Variants in RBFOX3 observed in about 807,000 individuals in gnomAD.
The protein encoded by RBFOX3 is RNA binding fox-1 homolog 3.
In RBFOX3, 17 loss-of-function variants were observed where a neutral mutation model predicts 48.7. The ratio of observed to expected loss-of-function variants is 0.35; its 90% CI spans 0.24 to 0.52. The LOEUF is 0.52. RBFOX3 is among the 20% of genes least tolerant of loss of function. The pLI is 0.94. For missense variants in RBFOX3, 382 were observed against 497.5 expected, an observed-to-expected ratio of 0.77 and a Z score of 2.21; for synonymous variants, 212 against 209.5, an observed-to-expected ratio of 1.01 and a Z score of -0.10.
chr17:79,144,122 G>A (rs1015193928), intron 4 of RBFOX3, among the ~76,000 whole-genome samples: 36 of 152,206 alleles, frequency 2.4e-4, no homozygotes, highest in Admixed American at 2.6e-4. Flanking sequence ...AGAGGATGTC[G>A]TGTGTGGGTG....
In RBFOX3 at chr17:79,457,552, T is replaced by G. The variant is rs533182622; in HGVS notation, c.-175+24902A>C. On this transcript the variant is annotated intron_variant, in intron 2 of 14. Transcript: ENST00000693108. Reference sequence around the variant, plus strand: ...CTGAAGCCCAGGGCCAGCAGCCCCGTGTAGATGCCCCGGGACCTCCGTTTC... The same window carrying G: ...CTGAAGCCCAGGGCCAGCAGCCCCGGGTAGATGCCCCGGGACCTCCGTTTC... Among the ~76,000 whole-genome samples the G allele has an allele frequency of 3.6e-3, 544 of 152,064 alleles. 4 individuals carry two copies. Among genetic ancestry groups the G allele is most frequent in the Non-Finnish European group, 3.4e-3 (234 of 67,960 alleles).
intron 1 of RBFOX3, among the ~76,000 whole-genome samples, chr17:79,604,644 C>A (rs999396433): frequency 0.016 from 2,399 of 152,270 alleles, 66 homozygotes; most frequent in African/African-American, 0.055. Context: ...AGGAGAGAAA[C>A]CTCTAATTTG....
intron 4 of RBFOX3, among the ~76,000 whole-genome samples, chr17:79,166,917 A>C (rs1184896680): frequency 6.6e-6 from 1 of 152,212 alleles, no homozygotes; most frequent in Non-Finnish European, 1.5e-5. Context: ...CAGTATGCAA[A>C]TTACACCTCA....
At position 79,094,433 on chromosome 17, in the gene RBFOX3, C is replaced by T. The variant is rs1010660520; in HGVS notation, c.1077+18G>A. On this transcript the variant is annotated intron_variant, in intron 14 of 14. Coordinates refer to ENST00000693108, the MANE Select transcript of RBFOX3 (RefSeq NM_001350451.2). ...GTTAGGACTGGCACCCAGGGCTGGG[C>T]GGGCCTGGGCTCCTTACCATGGTTC... is the stretch of plus-strand genomic sequence containing the variant. 16 of 1,491,176 alleles carry T rather than the reference C, an allele frequency of 1.1e-5. No individual in the cohort carries two copies. Among genetic ancestry groups the T allele is most frequent in the East Asian group, 2.8e-5 (1 of 35,566 alleles). 92.4% of individuals were successfully genotyped at this position (1,491,176 alleles called of 1,614,324 possible).
chr17:79,433,304 T>A (rs376574166), intron 2 of RBFOX3, among the ~76,000 whole-genome samples: 60 of 152,340 alleles, frequency 3.9e-4, no homozygotes, highest in African/African-American at 1.3e-3. Context: ...TACCCAGGTT[T>A]TAGGCCAGTT....
In RBFOX3 at chr17:79,094,981, C is replaced by T. The variant is rs115073571; in HGVS notation, c.999-452G>A. 3.2e-3 allele frequency among the ~76,000 whole-genome samples: 486 copies of T among 152,314 alleles called. 2 individuals are homozygous for T. The highest frequency in any genetic ancestry group is 0.011 in the African/African-American group (456 of 41,566). ...ACACTTGTGTCCCTCACGACTTTCCCTTCAGCAGTTTGTCTGTGCAGGGAA... is the reference window on the plus strand; with the variant it reads ...ACACTTGTGTCCCTCACGACTTTCCTTTCAGCAGTTTGTCTGTGCAGGGAA... On this transcript the variant is annotated intron_variant, in intron 13 of 14. Coordinates refer to ENST00000693108, the MANE Select transcript of RBFOX3 (RefSeq NM_001350451.2).
At chr17:79,300,439 G>T (rs151013741) in intron 3 of RBFOX3, among the ~76,000 whole-genome samples, 2 of 152,272 alleles carry the variant, frequency 1.3e-5, no homozygotes, top group African/African-American at 4.8e-5. Context: ...TTAAATTGCT[G>T]CCCTAATTTA....
the RBFOX3 span, among the ~76,000 whole-genome samples, chr17:79,655,708 G>A: frequency 6.6e-6 from 1 of 152,156 alleles, no homozygotes; most frequent in Admixed American, 6.5e-5. Context: ...AGCAGGTATG[G>A]CCCATGATCT....
chr17:79,589,304 CT>C (rs34502658), intron 1 of RBFOX3, among the ~76,000 whole-genome samples: 120,823 of 152,060 alleles, frequency 0.79, 48,587 homozygotes, highest in Middle Eastern at 0.91. Flanking sequence ...CAGGGCTCTC[CT>C]TGGCTTTAGG....
At chr17:79,287,986 C>G (rs888430265) in intron 3 of RBFOX3, among the ~76,000 whole-genome samples, 3 of 152,184 alleles carry the variant, frequency 2.0e-5, no homozygotes, top group Non-Finnish European at 4.4e-5. Context: ...TGCTGCAACC[C>G]CTCTCGGGCT....
intron 6 of RBFOX3, among the ~76,000 whole-genome samples, chr17:79,105,396 G>T (rs2077181252): frequency 1.3e-5 from 2 of 152,206 alleles, no homozygotes; most frequent in Admixed American, 1.3e-4. Context: ...TATGTAAACA[G>T]GTCCCCTGCA....
chr17:79,358,624 C>A (rs777551107), intron 2 of RBFOX3, among the ~76,000 whole-genome samples: 4 of 152,038 alleles, frequency 2.6e-5, no homozygotes, highest in Non-Finnish European at 4.4e-5. Flanking sequence ...TCACGCCTGG[C>A]TAATTTTTGT....
the RBFOX3 span, among the ~76,000 whole-genome samples, chr17:79,625,613 G>T: frequency 6.6e-6 from 1 of 152,156 alleles, no homozygotes; most frequent in East Asian, 1.9e-4. Flanking sequence ...CCAACATGGT[G>T]AAATCCCATC....
rs529467012 is a variant in RBFOX3 at position 79,127,355 on chromosome 17, C to T, written c.-33-11607G>A. On this transcript the variant is annotated intron_variant, in intron 4 of 14. Transcript: ENST00000693108. ...CCCAGAGATAACGCATCAACAGGAA[C>T]GATGAGAGGGAGACCTGAGGGAGAA... Among the ~76,000 whole-genome samples, 7 of 152,148 alleles carry T rather than the reference C, an allele frequency of 4.6e-5. No homozygotes were observed. In the South Asian group the frequency reaches 1.0e-3, roughly 23 times the overall value.
Position 79,243,013 on chromosome 17 carries a change from C to T in RBFOX3, c.-73-7208G>A, listed in dbSNP as rs540379615. On this transcript the variant is annotated intron_variant, in intron 3 of 14. Transcript: ENST00000693108. The surrounding 1 kb of genome is among the most constrained non-coding windows in gnomAD (Gnocchi z 7.9). Reference sequence around the variant, plus strand: ...ATGCCTAGCACTTGCTGAATGTATGCCAGGCTACCTGCTGGGGACTGTGTT... The same window carrying T: ...ATGCCTAGCACTTGCTGAATGTATGTCAGGCTACCTGCTGGGGACTGTGTT... Among the ~76,000 whole-genome samples, 1 of 151,696 alleles carries T rather than the reference C, an allele frequency of 6.6e-6. No homozygotes were observed. The highest frequency in any genetic ancestry group is 2.0e-4 in the East Asian group (1 of 5,112).
chr17:79,498,281 A>G (rs1439288277), intron 1 of RBFOX3, among the ~76,000 whole-genome samples: 2 of 152,094 alleles, frequency 1.3e-5, no homozygotes, highest in South Asian at 4.1e-4. Context: ...CATTCTTACA[A>G]TCCAACAGAA....
intron 1 of RBFOX3, among the ~76,000 whole-genome samples, chr17:79,592,628 G>T (rs1025027076): frequency 6.6e-6 from 1 of 151,948 alleles, no homozygotes. Context: ...TCCCACCTGC[G>T]CTGTGAACAC....
chr17:79,410,116 T>C (rs2064086918), intron 2 of RBFOX3, among the ~76,000 whole-genome samples: 1 of 152,244 alleles, frequency 6.6e-6, no homozygotes, highest in Non-Finnish European at 1.5e-5. Context: ...TGAACAGCTG[T>C]TCCCGTGCCT....
At chr17:79,329,752 C>T (rs1245883685) in intron 2 of RBFOX3, among the ~76,000 whole-genome samples, 3 of 152,164 alleles carry the variant, frequency 2.0e-5, no homozygotes, top group African/African-American at 7.2e-5. Flanking sequence ...CTGGATTCAC[C>T]CCTCGCTCTC....
Sources: allele counts gnomAD v4.1 joint callset (sites outside exome capture counted in the v4.1 genomes callset), GRCh38; gene constraint gnomAD v4.1.1; non-coding constraint Gnocchi (gnomAD v3.1); transcripts MANE v1.5; gene names NCBI Gene and HGNC (gene_info 2026-07-23, HGNC 2026-07-21).